The following TRPV1 variants were observed in gnomAD, a reference collection of about 807,000 sequenced individuals.
TRPV1 encodes OTRPC1.
A neutral mutation model predicts 82.3 loss-of-function variants in TRPV1; 82 were observed. The observed-to-expected ratio is 1.00, with a 90% CI of 0.83 to 1.20. The LOEUF (loss-of-function observed/expected upper bound fraction) is 1.20. Among genes scored for constraint, TRPV1 ranks in the 50% most tolerant of loss-of-function variants. TRPV1 has a pLI of 0.00. For synonymous variants in TRPV1, 515 were observed against 467.7 expected (o/e 1.10, Z -1.30); for missense variants, 1,067 against 1,096.8 (o/e 0.97, Z 0.38).
chr17:3,603,544 C>T (rs1428454534), intron 2 of TRPV1, among the ~76,000 whole-genome samples: 1 of 152,152 alleles, frequency 6.6e-6, no homozygotes, highest in Non-Finnish European at 1.5e-5. Flanking sequence ...CCTGCCCTAC[C>T]TGCTTTACGA....
At chr17:3,582,325 TC>T (rs1190115722) in intron 10 of TRPV1, among the ~76,000 whole-genome samples, 1 of 150,684 alleles carries the variant, frequency 6.6e-6, no homozygotes, top group African/African-American at 2.4e-5. Context: ...TGAGCCACGA[TC>T]ACGCCACTGC....
Position 3,580,530 on chromosome 17 carries a change from G to T in TRPV1, c.1477-3C>A. On this transcript the variant is annotated splice_region_variant and splice_polypyrimidine_tract_variant and intron_variant, in intron 10 of 16. Coordinates refer to ENST00000572705, the MANE Select transcript of TRPV1 (RefSeq NM_080704.4). ...CGCCTCTGCAGGAAATACTGAATCTGCAGGTAAACAGAGAGAGTAAGATCC... is the reference window on the plus strand; with the variant it reads ...CGCCTCTGCAGGAAATACTGAATCTTCAGGTAAACAGAGAGAGTAAGATCC... 2 of 1,614,034 alleles carry T rather than the reference G, an allele frequency of 1.2e-6. No homozygotes were observed. The highest frequency in any genetic ancestry group is 1.7e-6 in the Non-Finnish European group (2 of 1,179,896).
intron 2 of TRPV1, chr17:3,602,049 T>A (rs2075267101): frequency 6.6e-6 from 1 of 152,220 alleles, no homozygotes; most frequent in African/African-American, 2.4e-5. Context: ...ATGAGCACTT[T>A]ATATGCACTA....
chr17:3,585,322 GGTGTTTTTAGTAGA>G, intron 9 of TRPV1: 1 of 160,482 alleles, frequency 6.2e-6, no homozygotes, highest in South Asian at 1.8e-4. Context: ...CAGTTAATTT[GGTGTTTTTAGTAGA>G]GACGGGGTTT....
rs746248811 is a variant in TRPV1, at chr17:3,588,190, G to T, written c.1222C>A (p.Pro408Thr). Residue 408 changes from proline to threonine, a missense_variant and splice_region_variant, in exon 8 of 17, where the codon CCT becomes ACT. Pro to Thr is a conservative substitution (Grantham distance 38). Coordinates refer to ENST00000572705, the MANE Select transcript of TRPV1 (RefSeq NM_080704.4). The stretch of plus-strand genomic sequence containing the variant: ...CTGGCTGTGCCCCAGCCACTCACAG[G>T]GGTCTCGCTGCTGCTGTAGGCGATC... ...EVIAYSSSET[P>T]NRHDMLLVEP... 3 of 1,557,576 alleles carry T rather than the reference G, an allele frequency of 1.9e-6. No individual in the cohort carries two copies. The highest frequency in any genetic ancestry group is 2.4e-5 in the East Asian group (1 of 41,318).
In TRPV1 at chr17:3,586,016, TG is replaced by T. The variant is rs926837136; in HGVS notation, c.1225-91del. 4.0e-6 allele frequency: 6 copies of T among 1,517,448 alleles called. No individual in the cohort carries two copies. In the African/African-American group the frequency reaches 6.8e-5, roughly 17 times the overall value. The allele number at this position is 1,517,448 out of a possible 1,614,324, so 94.0% of individuals were successfully genotyped here. ...GCCCGTGGTGCCCCTCACAGCCATG[TG>T]GCCCGCACAGTCCTCAGCCCACGGA... On this transcript the variant is annotated intron_variant, in intron 8 of 16. Coordinates refer to ENST00000572705, the MANE Select transcript of TRPV1 (RefSeq NM_080704.4).
In TRPV1 at chr17:3,590,286, A is replaced by C; in HGVS notation, c.711T>G (p.Phe237Leu). The change falls in exon 6 of 17, where the codon TTT (phenylalanine) becomes TTG (leucine). Residue 237 changes from phenylalanine to leucine, a missense_variant. Phe to Leu is a conservative substitution (Grantham distance 22). Transcript: ENST00000572705. ...ATCCAGGCCGCCCTTTGGTTTTCTT[A>C]AAGAAGTCCCCATGGGCCGCAGCCT... is the stretch of plus-strand genomic sequence containing the variant. ...DVQAAAHGDF[F>L]KKTKGRPGFY... 6.2e-7 allele frequency: 1 copy of C among 1,613,898 alleles called. No homozygotes were observed. Among genetic ancestry groups the C allele is most frequent in the Non-Finnish European group, 8.5e-7 (1 of 1,179,882 alleles).
chr17:3,597,625 G>A (rs1567675116), intron 2 of TRPV1, among the ~76,000 whole-genome samples: 1 of 151,504 alleles, frequency 6.6e-6, no homozygotes, highest in Admixed American at 6.6e-5. Flanking sequence ...CTCAACTGGG[G>A]GTTCCTCAGG....
intron 10 of TRPV1, 67 bp from the exon 11 acceptor site, chr17:3,580,594 A>G: frequency 6.5e-7 from 1 of 1,530,414 alleles, no homozygotes; most frequent in Non-Finnish European, 9.1e-7. Context: ...GAGCACTCAG[A>G]TGCTTCCTAA....
In TRPV1 at chr17:3,576,848, C is replaced by CAA. The variant is rs989451980; in HGVS notation, c.1780+276_1780+277dup. Among the ~76,000 whole-genome samples, 263 of 38,630 alleles carry CAA rather than the reference C, an allele frequency of 6.8e-3. 3 individuals carry two copies. The highest frequency in any genetic ancestry group is 0.015 in the African/African-American group (173 of 11,480). 25.3% of individuals were successfully genotyped at this position (38,630 alleles called of 152,430 possible). A position where few individuals can be genotyped will look rare whatever the true frequency, so the allele number is the denominator to read the frequency against. The stretch of plus-strand genomic sequence containing the variant: ...TTGGCGACAGAGTGAGACTCCATCT[C>CAA]AAAAAAAAAAAAAAAAAAAAAAGTT... On this transcript the variant is annotated intron_variant, in intron 13 of 16. Transcript: ENST00000572705.
intron 11 of TRPV1, among the ~76,000 whole-genome samples, 177 bp downstream of exon 11, chr17:3,580,280 A>G (rs2074989150): frequency 6.6e-6 from 1 of 152,186 alleles, no homozygotes; most frequent in Admixed American, 6.5e-5. Context: ...CCTGGCACAG[A>G]GCAGGCCCTC....
intron 9 of TRPV1, chr17:3,585,553 A>C: frequency 1.8e-6 from 1 of 569,510 alleles, no homozygotes; most frequent in Non-Finnish European, 3.1e-6. Flanking sequence ...AGGAACTGAG[A>C]AGCGGGAAGG....
intron 2 of TRPV1, chr17:3,601,691 G>A (rs987047994): frequency 5.3e-5 from 8 of 151,088 alleles, no homozygotes; most frequent in Non-Finnish European, 1.0e-4. Flanking sequence ...CCACCTCCTG[G>A]ACTCAAAGGA....
At position 3,591,320 on chromosome 17, in the gene TRPV1, G is replaced by C; in HGVS notation, c.318C>G (p.Thr106=). 3 of 1,598,632 alleles carry C rather than the reference G, an allele frequency of 1.9e-6. No homozygotes were observed. Among genetic ancestry groups the C allele is most frequent in the Non-Finnish European group, 1.7e-6 (2 of 1,174,144 alleles). Reference sequence around the variant, plus strand: ...GATCATAGAGCCTGAGGGTCTTCTCGGTGCTGGCGGCGACAGAGTCCTGGG... The same window carrying C: ...GATCATAGAGCCTGAGGGTCTTCTCCGTGCTGGCGGCGACAGAGTCCTGGG... The part of the protein sequence containing the change: ...LLSQDSVAAS[T]EKTLRLYDRR... Residue 106 remains threonine, a synonymous_variant, in exon 4 of 17, where the codon ACC becomes ACG. Coordinates refer to ENST00000572705, the MANE Select transcript of TRPV1 (RefSeq NM_080704.4).
At chr17:3,603,321 C>A (rs572083249) in intron 2 of TRPV1, among the ~76,000 whole-genome samples, 118 of 152,110 alleles carry the variant, frequency 7.8e-4, no homozygotes, top group Middle Eastern at 6.8e-3. Flanking sequence ...ACCCAGTCAG[C>A]ACAGAACGCT....
chr17:3,603,598 T>C (rs1224511163), intron 2 of TRPV1, among the ~76,000 whole-genome samples: 1 of 152,226 alleles, frequency 6.6e-6, no homozygotes, highest in Non-Finnish European at 1.5e-5. Flanking sequence ...GAATGGGCTC[T>C]GAGCCTGGTA....
intron 7 of TRPV1, chr17:3,588,823 A>AC: frequency 1.5e-6 from 2 of 1,314,562 alleles, no homozygotes; most frequent in African/African-American, 1.5e-5. Context: ...TAAAAAAAAA[A>AC]AAAAAAACAA....
chr17:3,572,132 A>G lies in TRPV1; in HGVS notation c.2221T>C (p.Trp741Arg). Residue 741 changes from tryptophan (W) to arginine (R), a missense_variant, in exon 15 of 17, where the codon TGG (tryptophan) becomes CGG (arginine). Coordinates refer to ENST00000572705, the MANE Select transcript of TRPV1 (RefSeq NM_080704.4). Reference protein sequence around the residue: ...YTPDGKDDYRWCFRVDEVNWT... With the variant: ...YTPDGKDDYRRCFRVDEVNWT... ...GAGCCTGGGCATTACCTGAAGCACC[A>G]CCGGTAGTCGTCCTTGCCATCAGGT... 6.2e-7 allele frequency: 1 copy of G among 1,613,334 alleles called. No homozygotes were observed. The highest frequency in any genetic ancestry group is 8.5e-7 in the Non-Finnish European group (1 of 1,179,542).
Position 3,589,888 on chromosome 17 carries a change from G to A in TRPV1, c.963C>T (p.His321=), listed in dbSNP as rs765366564. 2.5e-6 allele frequency: 4 copies of A among 1,609,560 alleles called. No homozygotes were observed. The African/African-American group carries it at 4.0e-5, about 16-fold the overall frequency. Residue 321 remains histidine, a synonymous_variant, in exon 7 of 17, where the codon CAC becomes CAT. Transcript: ENST00000572705. The part of the protein sequence containing the change: ...NEILMLGAKL[H]PTLKLEELTN... Reference sequence around the variant, plus strand: ...TGAGCTCCTCCAGCTTCAGCGTCGGGTGCAGTTTGGCCCCCAGCATCAGAA... The same window carrying A: ...TGAGCTCCTCCAGCTTCAGCGTCGGATGCAGTTTGGCCCCCAGCATCAGAA...
Sources: gnomAD v4.1 joint callset for allele counts (sites outside exome capture counted in the v4.1 genomes callset) on GRCh38, gnomAD v4.1.1 for gene constraint, MANE v1.5 for transcripts, NCBI Gene and HGNC (gene_info 2026-07-23, HGNC 2026-07-21) for gene names.